The following SDK1 variants were observed in gnomAD, a reference collection of about 807,000 sequenced individuals.
The protein encoded by SDK1 is protein sidekick-1.
Under a neutral mutation model 245.5 loss-of-function variants are expected in SDK1, and 157 were observed. The ratio of observed to expected loss-of-function variants is 0.64; its 90% CI spans 0.56 to 0.73. The LOEUF (loss-of-function observed/expected upper bound fraction) is 0.73, where lower values mean the gene tolerates loss of function less well. Ranked by LOEUF, SDK1 falls within the 30% of genes least tolerant of loss-of-function variation. The probability of loss-of-function intolerance (pLI) is 0.00; values close to 1 mark genes in which losing one functional copy is unlikely to be tolerated. For synonymous variants in SDK1, 1,647 were observed against 1,278.5 expected, an observed-to-expected ratio of 1.29 and a Z score of -6.15; for missense variants, 3,583 against 3,002.3, an observed-to-expected ratio of 1.19 and a Z score of -4.52.
chr7:3,447,825 C>T (rs973684116), intron 1 of SDK1, among the ~76,000 whole-genome samples: 2 of 151,594 alleles, frequency 1.3e-5, no homozygotes, highest in African/African-American at 4.9e-5. Context: ...CTGCCTCAGC[C>T]TCTCGAGTAG....
chr7:3,962,044 CAT>C lies in SDK1; in HGVS notation c.1235-612_1235-611del, dbSNP rs544923327. Among the ~76,000 whole-genome samples the C allele has an allele frequency of 2.4e-4, 37 of 152,242 alleles. No homozygotes were observed. The East Asian group carries it at 3.3e-3, about 13-fold the overall frequency. On this transcript the variant is annotated intron_variant, in intron 8 of 44. Coordinates refer to ENST00000404826, the MANE Select transcript of SDK1 (RefSeq NM_152744.4). ...GTAGACACATGCACATATATACACA[CAT>C]GTACACGTGCACACACTCGCATGAA...
At chr7:3,936,121 G>A (rs183016350) in intron 5 of SDK1, among the ~76,000 whole-genome samples, 1 of 152,150 alleles carries the variant, frequency 6.6e-6, no homozygotes, top group Non-Finnish European at 1.5e-5. Context: ...TATGGTAAGT[G>A]AATTAAGGCA....
intron 26 of SDK1, among the ~76,000 whole-genome samples, chr7:4,127,926 G>A (rs1784499734): frequency 6.6e-6 from 1 of 152,212 alleles, no homozygotes; most frequent in South Asian, 2.1e-4. Flanking sequence ...CTCATGTGAA[G>A]GGCTGGGTGA....
In SDK1 at chr7:4,139,771, A is replaced by T. The variant is rs991731787; in HGVS notation, c.4229-5951A>T. On this transcript the variant is annotated intron_variant, in intron 28 of 44. Coordinates refer to ENST00000404826, the MANE Select transcript of SDK1 (RefSeq NM_152744.4). Reference sequence around the variant, plus strand: ...TGTGTGTGTGTGTATAATCTTGAAAAGCTGAAGCCCCAGGAGCGCTATGGG... The same window carrying T: ...TGTGTGTGTGTGTATAATCTTGAAATGCTGAAGCCCCAGGAGCGCTATGGG... Among the ~76,000 whole-genome samples, 17 of 150,854 alleles carry T rather than the reference A, an allele frequency of 1.1e-4. 1 individual carries two copies. Among genetic ancestry groups the T allele is most frequent in the Non-Finnish European group, 2.5e-4 (17 of 67,622 alleles).
chr7:4,087,833 C>T (rs911444580), intron 22 of SDK1, among the ~76,000 whole-genome samples: 1 of 152,166 alleles, frequency 6.6e-6, no homozygotes, highest in Non-Finnish European at 1.5e-5. Flanking sequence ...GAATTTCCAT[C>T]TGGAGAATGG....
chr7:3,937,577 C>G (rs1780204651), intron 5 of SDK1, among the ~76,000 whole-genome samples: 1 of 152,212 alleles, frequency 6.6e-6, no homozygotes, highest in African/African-American at 2.4e-5. Context: ...ATGGTGTTCG[C>G]TGGACGGATC....
intron 1 of SDK1, among the ~76,000 whole-genome samples, chr7:3,436,269 G>A (rs1326327517): frequency 6.6e-6 from 1 of 152,080 alleles, no homozygotes; most frequent in Non-Finnish European, 1.5e-5. Context: ...AAACTTTTTA[G>A]ATAGGATTTC....
At chr7:3,783,472 A>AG (rs1451752430) in intron 4 of SDK1, among the ~76,000 whole-genome samples, 4 of 146,234 alleles carry the variant, frequency 2.7e-5, no homozygotes, top group African/African-American at 1.1e-4. Context: ...TACAGACCCC[A>AG]CCAAAAAAAA....
chr7:4,058,152 A>G (rs1212854527), intron 19 of SDK1, among the ~76,000 whole-genome samples: 1 of 152,174 alleles, frequency 6.6e-6, no homozygotes, highest in Non-Finnish European at 1.5e-5. Flanking sequence ...ATACAAAATA[A>G]TCCAAAAAAC....
chr7:3,903,569 C>T (rs1363797734), intron 5 of SDK1, among the ~76,000 whole-genome samples: 1 of 152,114 alleles, frequency 6.6e-6, no homozygotes, highest in Non-Finnish European at 1.5e-5. Flanking sequence ...TTGGCATTTC[C>T]TCAAAAAGTT....
chr7:3,550,176 TG>T (rs1178110309), intron 1 of SDK1, among the ~76,000 whole-genome samples: 1 of 152,208 alleles, frequency 6.6e-6, no homozygotes, highest in African/African-American at 2.4e-5. Context: ...AATTTACATA[TG>T]TATATCTTAT....
At chr7:4,163,805 G>T (rs571078347) in intron 32 of SDK1, among the ~76,000 whole-genome samples, 7 of 152,342 alleles carry the variant, frequency 4.6e-5, no homozygotes, top group African/African-American at 1.7e-4. Context: ...GGGAGCTTGG[G>T]AGGGGCTCCG....
intron 1 of SDK1, among the ~76,000 whole-genome samples, chr7:3,574,558 C>A (rs1451613305): frequency 6.6e-6 from 1 of 152,060 alleles, no homozygotes; most frequent in African/African-American, 2.4e-5. Flanking sequence ...CCTGGCCTCC[C>A]CACTATGCCC....
chr7:3,712,748 G>T (rs1396812222), intron 4 of SDK1, among the ~76,000 whole-genome samples: 4 of 152,184 alleles, frequency 2.6e-5, no homozygotes, highest in Non-Finnish European at 4.4e-5. Flanking sequence ...GAGTATACCT[G>T]TTCACCTAGG....
intron 4 of SDK1, among the ~76,000 whole-genome samples, chr7:3,728,835 ACCTCAGGTAACCCGC>A (rs1034745876): frequency 1.3e-5 from 2 of 151,792 alleles, no homozygotes; most frequent in Admixed American, 1.3e-4. Flanking sequence ...CAAACTCCTG[ACCTCAGGTAACCCGC>A]CCACTTTGGC....
chr7:3,589,499 C>T (rs148253986), intron 1 of SDK1, among the ~76,000 whole-genome samples: 2 of 152,292 alleles, frequency 1.3e-5, no homozygotes, highest in Non-Finnish European at 2.9e-5. Flanking sequence ...TTTGGAAGTA[C>T]ATTTTCATAT....
intron 4 of SDK1, among the ~76,000 whole-genome samples, chr7:3,734,228 C>T (rs187352930): frequency 1.3e-3 from 197 of 152,228 alleles, no homozygotes; most frequent in Non-Finnish European, 2.2e-3. Context: ...CATTAGGTGC[C>T]CCACTGCCAG....
chr7:3,496,861 C>G (rs1048278160), intron 1 of SDK1, among the ~76,000 whole-genome samples: 1 of 152,178 alleles, frequency 6.6e-6, no homozygotes, highest in South Asian at 2.1e-4. Flanking sequence ...CCTTTCCCCC[C>G]ACCACAGTTA....
chr7:3,863,591 C>T (rs758188219), intron 5 of SDK1, among the ~76,000 whole-genome samples: 1 of 152,318 alleles, frequency 6.6e-6, no homozygotes, highest in East Asian at 1.9e-4. Flanking sequence ...ATCATCCTCC[C>T]TCTTCAGCAT....
Sources: allele counts gnomAD v4.1 joint callset (sites outside exome capture counted in the v4.1 genomes callset), GRCh38; gene constraint gnomAD v4.1.1; transcripts MANE v1.5; gene names NCBI Gene and HGNC (gene_info 2026-07-23, HGNC 2026-07-21).